GON4L: variants seen among roughly 807,000 people sequenced by gnomAD.
GON4L encodes the protein GON-4-like protein.
A neutral mutation model predicts 211.8 loss-of-function variants in GON4L; 87 were observed. The ratio of observed to expected loss-of-function variants is 0.41; its 90% CI spans 0.35 to 0.49. The LOEUF (loss-of-function observed/expected upper bound fraction) is 0.49. Ranked by LOEUF, GON4L falls within the 20% of genes least tolerant of loss-of-function variation. The pLI is 0.15. For missense variants in GON4L, 2,155 were observed against 2,659.5 expected, an observed-to-expected ratio of 0.81 and a Z score of 4.17; for synonymous variants, 875 against 962.6, an observed-to-expected ratio of 0.91 and a Z score of 1.68.
At chr1:155,751,048 A>AC (rs1405742644) in intron 31 of GON4L, among the ~76,000 whole-genome samples, 1 of 152,148 alleles carries the variant, frequency 6.6e-6, no homozygotes, top group Non-Finnish European at 1.5e-5. Context: ...ACAGGAATGA[A>AC]CCACTGCGCC....
chr1:155,819,581 C>G (rs1668562295), intron 6 of GON4L, among the ~76,000 whole-genome samples: 1 of 151,938 alleles, frequency 6.6e-6, no homozygotes. Context: ...TATCAGTCTC[C>G]AAGGAATAAA....
intron 2 of GON4L, among the ~76,000 whole-genome samples, chr1:155,839,666 A>T (rs1383909997): frequency 6.6e-6 from 1 of 151,990 alleles, no homozygotes; most frequent in Non-Finnish European, 1.5e-5. Flanking sequence ...AAAAAAAAAA[A>T]AGGTAGTATT....
chr1:155,760,583 T>C lies in GON4L; in HGVS notation c.4970A>G (p.Tyr1657Cys), dbSNP rs745970509. Residue 1657 changes from tyrosine (Y) to cysteine (C), a missense_variant, in exon 24 of 32, where the codon TAT becomes TGT. Physicochemically the swap from Tyr to Cys is radical, Grantham distance 194. Transcript: ENST00000368331. Reference protein sequence around the residue: ...GKYEDFLQVIYEFESSTQRRT... With the variant: ...GKYEDFLQVICEFESSTQRRT... ...TCTCTGGGTACTTGACTCAAATTCA[T>C]AGATGACTTGAAGGAAGTCTTCATA... 6.2e-7 allele frequency: 1 copy of C among 1,613,496 alleles called. No individual in the cohort carries two copies. Among genetic ancestry groups the C allele is most frequent in the Non-Finnish European group, 8.5e-7 (1 of 1,179,414 alleles).
At chr1:155,770,251 A>T (rs750293234) in intron 19 of GON4L, among the ~76,000 whole-genome samples, 5 of 152,122 alleles carry the variant, frequency 3.3e-5, no homozygotes, top group African/African-American at 4.8e-5. Flanking sequence ...AAGGCTGGGC[A>T]TAGTGGCTCA....
chr1:155,776,750 A>G (rs906660734), intron 15 of GON4L, among the ~76,000 whole-genome samples: 1 of 151,922 alleles, frequency 6.6e-6, no homozygotes, highest in Non-Finnish European at 1.5e-5. Flanking sequence ...ACAGGGTCTC[A>G]CTATGTTGCT....
intron 11 of GON4L, among the ~76,000 whole-genome samples, chr1:155,796,596 A>C (rs956263064): frequency 6.6e-5 from 10 of 152,106 alleles, no homozygotes; most frequent in African/African-American, 2.2e-4. Flanking sequence ...TTTAATGTTA[A>C]TGCTAAACTG....
chr1:155,745,600 G>T (rs1660228402), downstream of GON4L, among the ~76,000 whole-genome samples: 1 of 152,248 alleles, frequency 6.6e-6, no homozygotes, highest in South Asian at 2.1e-4. Context: ...AGGAGCAACG[G>T]CGTGGCCCGT....
At chr1:155,797,110 AT>A (rs899955636) in intron 11 of GON4L, among the ~76,000 whole-genome samples, 80 of 149,600 alleles carry the variant, frequency 5.3e-4, no homozygotes, top group South Asian at 1.3e-3. Context: ...CTCCCACAAT[AT>A]TTTTTTTTTC....
chr1:155,768,560 G>A (rs1004697426), intron 19 of GON4L, among the ~76,000 whole-genome samples: 15 of 149,632 alleles, frequency 1.0e-4, no homozygotes, highest in South Asian at 2.1e-4. Context: ...GCAGTGAGCC[G>A]AGATCACACC....
intron 2 of GON4L, among the ~76,000 whole-genome samples, chr1:155,838,602 C>T (rs1237400826): frequency 6.6e-6 from 1 of 151,842 alleles, no homozygotes. Context: ...TGGCAAAACC[C>T]CATGGCTACT....
At chr1:155,774,091 C>T (rs920820838) in intron 17 of GON4L, among the ~76,000 whole-genome samples, 1 of 152,064 alleles carries the variant, frequency 6.6e-6, no homozygotes, top group South Asian at 2.1e-4. Flanking sequence ...AATCAAGAAA[C>T]AAATCAGAAG....
At chr1:155,818,188 C>G (rs886250108) in intron 6 of GON4L, among the ~76,000 whole-genome samples, 1 of 151,566 alleles carries the variant, frequency 6.6e-6, no homozygotes, top group African/African-American at 2.4e-5. Flanking sequence ...GTGGCATGGT[C>G]TCCGCTCACT....
chr1:155,853,652 A>T lies in GON4L; in HGVS notation c.129T>A (p.Ser43Arg). ...TTGGATCCCAGGATAGTGACACCGA[A>T]CTCAAGTCCTTAACCTGGTCAGATT... Reference protein sequence around the residue: ...KPESDQVKDLSSVSLSWDPSH... With the variant: ...KPESDQVKDLRSVSLSWDPSH... The change falls in exon 2 of 32, where the codon AGT becomes AGA. Residue 43 changes from serine (S) to arginine (R), a missense_variant. Physicochemically the swap from Ser to Arg is moderately radical, Grantham distance 110. This residue lies in a region of GON4L where 313 missense variants were observed against 293.2 expected (regional missense o/e 1.07). Transcript: ENST00000368331. The T allele has an allele frequency of 1.2e-6, 2 of 1,614,042 alleles. No homozygotes were observed. Among genetic ancestry groups the T allele is most frequent in the Non-Finnish European group, 1.7e-6 (2 of 1,179,954 alleles).
chr1:155,817,818 C>T (rs1668381473), intron 6 of GON4L, among the ~76,000 whole-genome samples: 2 of 151,096 alleles, frequency 1.3e-5, no homozygotes, highest in Non-Finnish European at 2.9e-5. Context: ...TAGCTGTCTG[C>T]GAGGCTAAGG....
At chr1:155,793,550 C>T (rs1665799551) in intron 12 of GON4L, among the ~76,000 whole-genome samples, 1 of 152,054 alleles carries the variant, frequency 6.6e-6, no homozygotes, top group African/African-American at 2.4e-5. Flanking sequence ...TTCTTTCTCC[C>T]CATAGGTAGA....
intron 2 of GON4L, among the ~76,000 whole-genome samples, chr1:155,827,697 CACAA>C (rs750817976): frequency 1.7e-4 from 9 of 51,866 alleles, no homozygotes; most frequent in Non-Finnish European, 4.9e-4. Context: ...CACACACACA[CACAA>C]AAAAAAAAGC....
intron 2 of GON4L, among the ~76,000 whole-genome samples, chr1:155,834,240 CCCT>C (rs1670086673): frequency 6.6e-6 from 1 of 152,132 alleles, no homozygotes; most frequent in Non-Finnish European, 1.5e-5. Context: ...TTATCCTTAT[CCCT>C]CCTTTGCTAC....
chr1:155,764,965 C>A, intron 21 of GON4L, 35 bp downstream of exon 21: 1 of 1,614,028 alleles, frequency 6.2e-7, no homozygotes, highest in Non-Finnish European at 8.5e-7. Context: ...ATTACTGAGT[C>A]CACGAAATAC....
At position 155,762,283 on chromosome 1, in the gene GON4L, G is replaced by A. The variant is rs1277183338; in HGVS notation, c.4818C>T (p.Ser1606=). ...GSRARASKDT[S]KLLLLYDEDI... ...CCTCATCATACAGCAACAGCAGCTT[G>A]GAGGTGTCCTTGCTGGCCCGAGCCC... The change falls in exon 23 of 32, where the codon TCC becomes TCT. Residue 1606 remains serine (S), a synonymous_variant. Coordinates refer to ENST00000368331, the MANE Select transcript of GON4L (RefSeq NM_001282860.2). 3 of 1,613,522 alleles carry A rather than the reference G, an allele frequency of 1.9e-6. No homozygotes were observed. Among genetic ancestry groups the A allele is most frequent in the Non-Finnish European group, 2.5e-6 (3 of 1,179,642 alleles).
Sources: gnomAD v4.1 joint callset for allele counts (sites outside exome capture counted in the v4.1 genomes callset) on GRCh38, gnomAD v4.1.1 for gene constraint, gnomAD v4.1.1 regional missense constraint, MANE v1.5 for transcripts, NCBI Gene and HGNC (gene_info 2026-07-23, HGNC 2026-07-21) for gene names.